Variants in KCND2 observed in about 807,000 individuals in gnomAD.
KCND2 encodes A-type voltage-gated potassium channel KCND2.
A neutral mutation model predicts 54.4 loss-of-function variants in KCND2; 16 were observed. The observed-to-expected ratio is 0.29, with a 90% CI of 0.20 to 0.45. KCND2 has a LOEUF of 0.45. KCND2 is among the 20% of genes least tolerant of loss of function. The probability of loss-of-function intolerance (pLI) is 1.00; values close to 1 mark genes in which losing one functional copy is unlikely to be tolerated. For missense variants in KCND2, 486 were observed against 824.2 expected, an observed-to-expected ratio of 0.59 and a Z score of 5.02; for synonymous variants, 317 against 310.7, an observed-to-expected ratio of 1.02 and a Z score of -0.21.
At chr7:120,614,213 AT>A (rs1477972285) in intron 1 of KCND2, among the ~76,000 whole-genome samples, 4 of 152,140 alleles carry the variant, frequency 2.6e-5, no homozygotes, top group African/African-American at 7.2e-5. Flanking sequence ...GGGTTTCGCC[AT>A]GTTGGCGAGG....
At chr7:120,383,436 G>A (rs1185312497) in intron 1 of KCND2, among the ~76,000 whole-genome samples, 4 of 151,454 alleles carry the variant, frequency 2.6e-5, no homozygotes, top group Non-Finnish European at 5.9e-5. Flanking sequence ...CTTCTTTTTC[G>A]TTAGAAAATA....
At chr7:120,564,078 T>A (rs1299576152) in intron 1 of KCND2, among the ~76,000 whole-genome samples, 1 of 152,096 alleles carries the variant, frequency 6.6e-6, no homozygotes, top group African/African-American at 2.4e-5. Flanking sequence ...TACCAATAAA[T>A]TTGGACAAAT....
intron 1 of KCND2, among the ~76,000 whole-genome samples, chr7:120,389,880 G>T (rs991162286): frequency 1.3e-5 from 2 of 151,816 alleles, no homozygotes; most frequent in Admixed American, 6.6e-5. Flanking sequence ...TCAAATTTCT[G>T]TTCAATAAAT....
chr7:120,572,674 C>T (rs1792381134), intron 1 of KCND2, among the ~76,000 whole-genome samples: 1 of 152,140 alleles, frequency 6.6e-6, no homozygotes, highest in African/African-American at 2.4e-5. Context: ...TGAGCCGCCA[C>T]ACCCAGCTAA....
chr7:120,401,849 C>T (rs1156893622), intron 1 of KCND2, among the ~76,000 whole-genome samples: 2 of 152,102 alleles, frequency 1.3e-5, no homozygotes, highest in Non-Finnish European at 2.9e-5. Flanking sequence ...CTTTCTTTCT[C>T]TCTGAATAAC....
At chr7:120,306,561 C>A (rs1175763635) in intron 1 of KCND2, among the ~76,000 whole-genome samples, 1 of 151,926 alleles carries the variant, frequency 6.6e-6, no homozygotes, top group East Asian at 1.9e-4. Flanking sequence ...AGTGATATTT[C>A]TTCTTACCAT....
intron 1 of KCND2, among the ~76,000 whole-genome samples, chr7:120,528,582 C>G (rs1385032036): frequency 6.6e-6 from 1 of 151,978 alleles, no homozygotes; most frequent in African/African-American, 2.4e-5. Context: ...TCAGAGTAAC[C>G]AGCAACTTTT....
intron 1 of KCND2, among the ~76,000 whole-genome samples, chr7:120,406,555 T>C (rs1801363345): frequency 6.6e-6 from 1 of 152,030 alleles, no homozygotes; most frequent in South Asian, 2.1e-4. Flanking sequence ...ACCTTTCTTG[T>C]CAACAATAGA....
At chr7:120,703,667 G>A (rs1170981042) in intron 1 of KCND2, among the ~76,000 whole-genome samples, 1 of 152,186 alleles carries the variant, frequency 6.6e-6, no homozygotes, top group East Asian at 1.9e-4. Flanking sequence ...TCCCCAGAGT[G>A]AGAAAGTAGC....
chr7:120,595,014 C>T (rs1280933073), intron 1 of KCND2, among the ~76,000 whole-genome samples: 1 of 147,570 alleles, frequency 6.8e-6, no homozygotes, highest in African/African-American at 2.5e-5. Flanking sequence ...GATTGAGACT[C>T]CGTCTCAAAA....
At chr7:120,413,300 A>G (rs1164566420) in intron 1 of KCND2, among the ~76,000 whole-genome samples, 1 of 152,042 alleles carries the variant, frequency 6.6e-6, no homozygotes, top group Non-Finnish European at 1.5e-5. Context: ...ACAGTACCAA[A>G]TATTAATATT....
intron 1 of KCND2, among the ~76,000 whole-genome samples, chr7:120,568,227 G>T (rs187798389): frequency 1.3e-3 from 193 of 152,158 alleles, no homozygotes; most frequent in Middle Eastern, 6.8e-3. Flanking sequence ...GAAGACTGCT[G>T]TATATTAAGC....
intron 1 of KCND2, among the ~76,000 whole-genome samples, chr7:120,658,840 A>T (rs1791834021): frequency 6.6e-6 from 1 of 152,158 alleles, no homozygotes; most frequent in African/African-American, 2.4e-5. Context: ...TCTTCCACAC[A>T]CCCACATTAA....
chr7:120,344,743 C>G (rs1800289454), intron 1 of KCND2, among the ~76,000 whole-genome samples: 1 of 152,156 alleles, frequency 6.6e-6, no homozygotes, highest in Non-Finnish European at 1.5e-5. Flanking sequence ...CTTTCGTCTT[C>G]ACAGTTCTGA....
intron 1 of KCND2, among the ~76,000 whole-genome samples, chr7:120,641,303 G>A (rs1793369759): frequency 6.6e-6 from 1 of 152,014 alleles, no homozygotes; most frequent in South Asian, 2.1e-4. Flanking sequence ...TGGGGAAAAT[G>A]CAAAGAGATG....
intron 1 of KCND2, among the ~76,000 whole-genome samples, chr7:120,391,616 G>A (rs1014497166): frequency 1.3e-5 from 2 of 152,052 alleles, no homozygotes; most frequent in Non-Finnish European, 2.9e-5. Flanking sequence ...ATTCTAACTG[G>A]TGTGAGATGG....
chr7:120,418,577 C>T (rs1408531312), intron 1 of KCND2, among the ~76,000 whole-genome samples: 1 of 152,112 alleles, frequency 6.6e-6, no homozygotes, highest in Admixed American at 6.5e-5. Flanking sequence ...ATGACCCCAA[C>T]ACAGAGATAC....
intron 1 of KCND2, among the ~76,000 whole-genome samples, chr7:120,308,097 A>G (rs1489889384): frequency 6.6e-6 from 1 of 152,060 alleles, no homozygotes; most frequent in Admixed American, 6.6e-5. Context: ...AAATGAGACT[A>G]TCTCAAACCC....
At chr7:120,362,812 T>A (rs1276844170) in intron 1 of KCND2, among the ~76,000 whole-genome samples, 1 of 152,084 alleles carries the variant, frequency 6.6e-6, no homozygotes, top group Non-Finnish European at 1.5e-5. Context: ...ATATTTTATC[T>A]TTGGCAATTT....
Sources: gnomAD v4.1 joint callset for allele counts (sites outside exome capture counted in the v4.1 genomes callset) on GRCh38, gnomAD v4.1.1 for gene constraint, MANE v1.5 for transcripts, NCBI Gene and HGNC (gene_info 2026-07-23, HGNC 2026-07-21) for gene names.